The following PTPRD variants were observed in gnomAD, a reference collection of about 807,000 sequenced individuals.
PTPRD encodes the protein protein tyrosine phosphatase receptor type D, also known as receptor-type tyrosine-protein phosphatase delta.
PTPRD carries 34 observed loss-of-function variants against 214.5 expected under a neutral mutation model. The ratio of observed to expected loss-of-function variants is 0.16; its 90% CI spans 0.12 to 0.21. The LOEUF is 0.21. PTPRD is among the 10% of genes least tolerant of loss of function. The probability of loss-of-function intolerance (pLI) is 1.00; values close to 1 mark genes in which losing one functional copy is unlikely to be tolerated. For missense variants in PTPRD, 2,545 were observed against 2,398.7 expected, an observed-to-expected ratio of 1.06 and a Z score of -1.27; for synonymous variants, 1,128 against 845.7, an observed-to-expected ratio of 1.33 and a Z score of -5.79.
chr9:9,762,728 T>C (rs1330882453), intron 6 of PTPRD, among the ~76,000 whole-genome samples: 2 of 152,214 alleles, frequency 1.3e-5, no homozygotes, highest in Non-Finnish European at 2.9e-5. Context: ...TTCATGCAAC[T>C]CAGAACTCTT....
intron 7 of PTPRD, among the ~76,000 whole-genome samples, chr9:9,669,714 C>A (rs1194207217): frequency 6.6e-6 from 1 of 152,022 alleles, no homozygotes; most frequent in East Asian, 1.9e-4. Flanking sequence ...GTTTGAATAA[C>A]TTCATTGTTC....
At chr9:9,417,179 G>A (rs1350839675) in intron 8 of PTPRD, among the ~76,000 whole-genome samples, 1 of 152,112 alleles carries the variant, frequency 6.6e-6, no homozygotes, top group East Asian at 1.9e-4. Flanking sequence ...TGCTACAGAA[G>A]CAGACTGTTA....
At chr9:8,575,029 C>T (rs1419499862) in intron 14 of PTPRD, among the ~76,000 whole-genome samples, 4 of 152,020 alleles carry the variant, frequency 2.6e-5, no homozygotes, top group Admixed American at 6.6e-5. Context: ...ATTTCATTAA[C>T]GCGTTTGCAA....
intron 8 of PTPRD, among the ~76,000 whole-genome samples, chr9:9,461,897 A>G (rs961325375): frequency 3.9e-5 from 6 of 152,074 alleles, no homozygotes; most frequent in Non-Finnish European, 8.8e-5. Flanking sequence ...TTTAAATACT[A>G]TCTCCTCAGC....
At chr9:9,175,126 A>G (rs377720649) in intron 10 of PTPRD, among the ~76,000 whole-genome samples, 201 of 152,268 alleles carry the variant, frequency 1.3e-3, no homozygotes, top group African/African-American at 4.6e-3. Flanking sequence ...CTCCAGAACT[A>G]TAAAAAATAA....
At chr9:9,527,695 A>G (rs1403659132) in intron 8 of PTPRD, among the ~76,000 whole-genome samples, 1 of 152,080 alleles carries the variant, frequency 6.6e-6, no homozygotes, top group African/African-American at 2.4e-5. Context: ...TCTTTTTTAT[A>G]TGTTCTCTTT....
At chr9:10,253,412 T>A (rs2092965757) in intron 3 of PTPRD, among the ~76,000 whole-genome samples, 1 of 152,224 alleles carries the variant, frequency 6.6e-6, no homozygotes, top group Non-Finnish European at 1.5e-5. Flanking sequence ...AGACAAGGCA[T>A]GCAGTAGCTA....
chr9:9,798,539 A>C (rs1049350878), intron 5 of PTPRD, among the ~76,000 whole-genome samples: 1 of 152,140 alleles, frequency 6.6e-6, no homozygotes, highest in Non-Finnish European at 1.5e-5. Flanking sequence ...CTCAGACAAG[A>C]ATCTTATGAC....
At chr9:8,861,506 C>G (rs1281211702) in intron 11 of PTPRD, 1 of 152,072 alleles carries the variant, frequency 6.6e-6, no homozygotes, top group Non-Finnish European at 1.5e-5. Context: ...AGCACTGCCT[C>G]GTTTCCAATC....
intron 9 of PTPRD, among the ~76,000 whole-genome samples, chr9:9,254,668 C>A (rs944551969): frequency 4.6e-5 from 7 of 151,980 alleles, no homozygotes; most frequent in African/African-American, 1.7e-4. Flanking sequence ...CATCTGGAAG[C>A]CTTAGAAGTG....
At chr9:9,783,502 A>G (rs1446057118) in intron 5 of PTPRD, among the ~76,000 whole-genome samples, 1 of 152,154 alleles carries the variant, frequency 6.6e-6, no homozygotes, top group Non-Finnish European at 1.5e-5. Flanking sequence ...AAACGATGGC[A>G]CTGGGAATAC....
chr9:9,640,552 C>A (rs909876429), intron 7 of PTPRD, among the ~76,000 whole-genome samples: 1 of 152,150 alleles, frequency 6.6e-6, no homozygotes, highest in Non-Finnish European at 1.5e-5. Flanking sequence ...AGAATCATAA[C>A]TGATAAAATG....
chr9:9,752,542 A>G (rs2098530779), intron 6 of PTPRD, among the ~76,000 whole-genome samples: 1 of 151,964 alleles, frequency 6.6e-6, no homozygotes, highest in African/African-American at 2.4e-5. Flanking sequence ...GATTTTTAGA[A>G]TCCCGTGGAG....
chr9:10,402,625 C>G (rs1425102134), intron 2 of PTPRD, among the ~76,000 whole-genome samples: 1 of 151,476 alleles, frequency 6.6e-6, no homozygotes, highest in Non-Finnish European at 1.5e-5. Context: ...TATCATTATC[C>G]CCTCCTGAAT....
chr9:9,755,749 A>C (rs1202813612), intron 6 of PTPRD, among the ~76,000 whole-genome samples: 1 of 152,130 alleles, frequency 6.6e-6, no homozygotes, highest in East Asian at 1.9e-4. Flanking sequence ...GATACAGCAT[A>C]GGAATTACTG....
intron 9 of PTPRD, among the ~76,000 whole-genome samples, chr9:9,271,454 G>A (rs4289870): frequency 0.14 from 20,781 of 151,198 alleles, 1,599 homozygotes; most frequent in East Asian, 0.29. Context: ...CTGAATAGAA[G>A]ATAAATACAG....
At chr9:10,064,145 T>C (rs2097833686) in intron 3 of PTPRD, among the ~76,000 whole-genome samples, 1 of 152,000 alleles carries the variant, frequency 6.6e-6, no homozygotes, top group Non-Finnish European at 1.5e-5. Context: ...TTTTTCTGTC[T>C]TATCTTTACC....
chr9:8,368,154 G>T (rs1337440364), intron 39 of PTPRD, among the ~76,000 whole-genome samples: 2 of 152,084 alleles, frequency 1.3e-5, no homozygotes, highest in Non-Finnish European at 2.9e-5. Flanking sequence ...GAGCAAAATG[G>T]AAAATGGCAG....
At chr9:9,994,537 A>G (rs1049147332) in intron 4 of PTPRD, among the ~76,000 whole-genome samples, 1 of 152,134 alleles carries the variant, frequency 6.6e-6, no homozygotes, top group African/African-American at 2.4e-5. Context: ...CTCAGCTGTT[A>G]TAACACAATC....
Sources: gnomAD v4.1 joint callset for allele counts (sites outside exome capture counted in the v4.1 genomes callset) on GRCh38, gnomAD v4.1.1 for gene constraint, MANE v1.5 for transcripts, NCBI Gene and HGNC (gene_info 2026-07-23, HGNC 2026-07-21) for gene names.